FRMPD4: variants seen among roughly 807,000 people sequenced by gnomAD.
FRMPD4 encodes the protein FERM and PDZ domain-containing protein 4.
In FRMPD4, 22 loss-of-function variants were observed where a neutral mutation model predicts 94.1. The ratio of observed to expected loss-of-function variants is 0.23; its 90% confidence interval spans 0.17 to 0.33. The LOEUF is 0.33. FRMPD4 is among the 10% of genes least tolerant of loss of function. FRMPD4 has a pLI of 1.00. For synonymous variants in FRMPD4, 631 were observed against 548.6 expected (o/e 1.15, Z -2.10); for missense variants, 1,111 against 1,339.9 (o/e 0.83, Z 2.67).
chrX:12,289,124 G>C (rs190287106), intron 1 of FRMPD4, among the ~76,000 whole-genome samples: 1 of 111,194 alleles, frequency 9.0e-6, no homozygotes, highest in Non-Finnish European at 1.9e-5. Context: ...CATGTCATGG[G>C]GTTTCTAGTG....
At chrX:12,676,917 G>A (rs1044385346) in intron 5 of FRMPD4, among the ~76,000 whole-genome samples, 5 of 111,832 alleles carry the variant, frequency 4.5e-5, no homozygotes, top group South Asian at 3.8e-4. Context: ...CCCAATCACC[G>A]CAGATAAATT....
At chrX:12,694,537 A>C (rs1042179158) in intron 9 of FRMPD4, 83 bp downstream of exon 9, 11 of 738,950 alleles carry the variant, frequency 1.5e-5, no homozygotes, top group Non-Finnish European at 2.2e-5. Context: ...CTTTAACTTG[A>C]AATCTTTCTT....
intron 1 of FRMPD4, among the ~76,000 whole-genome samples, chrX:12,376,661 A>G (rs2056242146): frequency 8.9e-6 from 1 of 112,941 alleles, no homozygotes; most frequent in African/African-American, 3.2e-5. Flanking sequence ...ACACACACAC[A>G]CACACTCATT....
At chrX:12,208,009 G>A (rs2056712379) in intron 1 of FRMPD4, among the ~76,000 whole-genome samples, 1 of 111,367 alleles carries the variant, frequency 9.0e-6, no homozygotes, top group Non-Finnish European at 1.9e-5. Context: ...ATTAGAAGCA[G>A]GGACCATGTC....
chrX:12,571,644 T>C (rs1018968778), intron 2 of FRMPD4, among the ~76,000 whole-genome samples: 1 of 112,919 alleles, frequency 8.9e-6, no homozygotes, highest in Non-Finnish European at 1.9e-5. Flanking sequence ...GCCTGTGGCC[T>C]CCTCTTTCTT....
intron 3 of FRMPD4, among the ~76,000 whole-genome samples, chrX:11,905,925 A>G (rs766458739): frequency 6.3e-5 from 7 of 111,034 alleles, no homozygotes; most frequent in Non-Finnish European, 1.3e-4. Context: ...AATAACATCA[A>G]CCAATGTGAA....
At position 12,601,575 on chromosome X, in the gene FRMPD4, G is replaced by A. The variant is rs150069899; in HGVS notation, c.159-8146G>A. ...CTTCGTTCCAACAAAGATGGTTTCTGTTTTCTCATGTAGCACATATAAATC... is the reference window on the plus strand; with the variant it reads ...CTTCGTTCCAACAAAGATGGTTTCTATTTTCTCATGTAGCACATATAAATC... On this transcript the variant is annotated intron_variant, in intron 2 of 16. Coordinates refer to ENST00000675598, the MANE Select transcript of FRMPD4 (RefSeq NM_001368397.1). 5.6e-3 allele frequency among the ~76,000 whole-genome samples: 625 copies of A among 111,716 alleles called. 6 individuals are homozygous for A. Among genetic ancestry groups the A allele is most frequent in the African/African-American group, 0.019 (578 of 30,733 alleles).
intron 3 of FRMPD4, among the ~76,000 whole-genome samples, chrX:11,981,002 A>T (rs1414564561): frequency 1.8e-5 from 2 of 111,440 alleles, no homozygotes; most frequent in Non-Finnish European, 3.8e-5. Context: ...TTGCTTCCTT[A>T]TTATCTATGG....
At chrX:12,292,903 T>C (rs1038694756) in intron 1 of FRMPD4, among the ~76,000 whole-genome samples, 2 of 110,898 alleles carry the variant, frequency 1.8e-5, no homozygotes, top group Non-Finnish European at 3.8e-5. Context: ...GGTTTTGGTG[T>C]GTATGTACCT....
intron 2 of FRMPD4, among the ~76,000 whole-genome samples, chrX:12,576,178 GA>G (rs1487510392): frequency 1.8e-5 from 2 of 111,976 alleles, no homozygotes; most frequent in Admixed American, 1.9e-4. Context: ...GTATATAAAA[GA>G]AAAAACACTC....
intron 3 of FRMPD4, among the ~76,000 whole-genome samples, chrX:11,965,880 C>T (rs5933941): frequency 0.017 from 1,860 of 112,064 alleles, 5 homozygotes; most frequent in African/African-American, 0.021. Flanking sequence ...TCCACAGTCT[C>T]GTGAGGCAAG....
intron 1 of FRMPD4, among the ~76,000 whole-genome samples, chrX:12,423,261 A>AAAAT (rs2148090675): frequency 9.5e-6 from 1 of 104,741 alleles, no homozygotes; most frequent in East Asian, 3.0e-4. Flanking sequence ...AAATAAATAA[A>AAAAT]AAATAAAAAA....
chrX:12,221,610 A>G (rs1163175416), intron 1 of FRMPD4, among the ~76,000 whole-genome samples: 3 of 112,374 alleles, frequency 2.7e-5, no homozygotes, highest in African/African-American at 6.5e-5. Context: ...ACTGGAGTCA[A>G]CGGATAAGAA....
At chrX:12,630,817 C>T (rs2059388813) in intron 4 of FRMPD4, among the ~76,000 whole-genome samples, 1 of 111,667 alleles carries the variant, frequency 9.0e-6, no homozygotes, top group South Asian at 3.8e-4. Flanking sequence ...ATGATAATGG[C>T]CAATATTAGG....
At chrX:12,140,211 A>T (rs943797288) in intron 1 of FRMPD4, among the ~76,000 whole-genome samples, 2 of 112,257 alleles carry the variant, frequency 1.8e-5, no homozygotes, top group East Asian at 5.6e-4. Context: ...GTCAGTCTTC[A>T]TGCCACTAGC....
At chrX:12,133,002 C>A (rs184173573) in intron 3 of FRMPD4, among the ~76,000 whole-genome samples, 12 of 109,651 alleles carry the variant, frequency 1.1e-4, no homozygotes, top group Non-Finnish European at 1.9e-5. Context: ...TTTGAATGCA[C>A]ATGGGAATGG....
chrX:12,550,377 C>T (rs771731124), intron 2 of FRMPD4, among the ~76,000 whole-genome samples: 6 of 110,120 alleles, frequency 5.4e-5, no homozygotes, highest in Non-Finnish European at 1.1e-4. Context: ...AATCCTTGGA[C>T]TGACATCATA....
At chrX:11,845,708 T>C (rs1268209067) in intron 1 of FRMPD4, among the ~76,000 whole-genome samples, 3 of 111,050 alleles carry the variant, frequency 2.7e-5, no homozygotes, top group African/African-American at 9.8e-5. Flanking sequence ...ATCCCTGGGA[T>C]GCAAGGCTGG....
intron 1 of FRMPD4, among the ~76,000 whole-genome samples, chrX:12,391,743 G>A (rs1369503394): frequency 1.8e-5 from 2 of 111,039 alleles, no homozygotes; most frequent in Non-Finnish European, 3.8e-5. Context: ...GGGTTGAGGA[G>A]CTTCTGGATA....
Sources: gnomAD v4.1 joint callset for allele counts (sites outside exome capture counted in the v4.1 genomes callset) on GRCh38, gnomAD v4.1.1 for gene constraint, MANE v1.5 for transcripts, NCBI Gene and HGNC (gene_info 2026-07-23, HGNC 2026-07-21) for gene names.